Variants in DNAJA3 observed in about 807,000 individuals in gnomAD.
The protein encoded by DNAJA3 is DnaJ heat shock protein family (Hsp40) member A3, also known as dnaJ homolog subfamily A member 3, mitochondrial.
Under a neutral mutation model 54.9 loss-of-function variants are expected in DNAJA3, and 29 were observed. The observed-to-expected ratio is 0.53, with a 90% CI of 0.39 to 0.72. DNAJA3 has a LOEUF of 0.72. Ranked by LOEUF, DNAJA3 falls within the 30% of genes least tolerant of loss-of-function variation. The pLI is 0.00. For synonymous variants in DNAJA3, 302 were observed against 251.4 expected, an observed-to-expected ratio of 1.20 and a Z score of -1.90; for missense variants, 708 against 639.4, an observed-to-expected ratio of 1.11 and a Z score of -1.16.
chr16:4,437,622 T>C, intron 3 of DNAJA3, 137 bp downstream of exon 3: 1 of 645,296 alleles, frequency 1.5e-6, no homozygotes, highest in Non-Finnish European at 2.6e-6. Context: ...GTAATCTTGT[T>C]AAGAAAAATA....
chr16:4,432,290 T>C (rs2056712964), intron 1 of DNAJA3, among the ~76,000 whole-genome samples: 1 of 151,588 alleles, frequency 6.6e-6, no homozygotes, highest in Non-Finnish European at 1.5e-5. Flanking sequence ...CCCAAAGTGC[T>C]GGGATTACAG....
chr16:4,450,121 C>T (rs4786493), intron 9 of DNAJA3: 219,678 of 372,276 alleles, frequency 0.59, 70,902 homozygotes, highest in Non-Finnish European at 0.68. Context: ...TTCACATACA[C>T]ACTGGTAAAA....
intron 9 of DNAJA3, 92 bp downstream of exon 9, chr16:4,448,940 G>T: frequency 1.1e-6 from 1 of 878,822 alleles, no homozygotes. Context: ...ACTGCTCCCT[G>T]TAAGTCAGGT....
At chr16:4,434,595 G>C (rs1221149521) in intron 2 of DNAJA3, 78 bp downstream of exon 2, 1 of 1,530,206 alleles carries the variant, frequency 6.5e-7, no homozygotes, top group Admixed American at 2.0e-5. Context: ...GATCAGTACA[G>C]CGTATGTGCC....
chr16:4,445,578 T>C (rs1318495291), intron 7 of DNAJA3, among the ~76,000 whole-genome samples: 1 of 152,200 alleles, frequency 6.6e-6, no homozygotes, highest in African/African-American at 2.4e-5. Flanking sequence ...TGAGGTGGGG[T>C]ATTGCTTTGT....
intron 10 of DNAJA3, among the ~76,000 whole-genome samples, chr16:4,451,378 G>C (rs1373918055): frequency 6.6e-6 from 1 of 152,112 alleles, no homozygotes; most frequent in Admixed American, 6.6e-5. Context: ...TGGAGCTCCA[G>C]GGGCAGGGGC....
At chr16:4,434,758 A>G (rs1473705169) in intron 2 of DNAJA3, among the ~76,000 whole-genome samples, 1 of 152,162 alleles carries the variant, frequency 6.6e-6, no homozygotes, top group African/African-American at 2.4e-5. Flanking sequence ...TTTTTTTTCT[A>G]GAGCTGTTTT....
At position 4,434,412 on chromosome 16, in the gene DNAJA3, T is replaced by G. The variant is rs765636804; in HGVS notation, c.240T>G (p.Thr80=). The G allele has an allele frequency of 3.7e-6, 6 of 1,613,692 alleles. No individual in the cohort carries two copies. The South Asian group carries it at 5.5e-5, about 15-fold the overall frequency. ...CAAAACATAACCCTTTCATTTGTACTGCCTCCTTCCACACGAGTGCCCCTT... is the reference window on the plus strand; with the variant it reads ...CAAAACATAACCCTTTCATTTGTACGGCCTCCTTCCACACGAGTGCCCCTT... ...TGTKHNPFIC[T]ASFHTSAPLA... Residue 80 remains threonine (T), a synonymous_variant, in exon 2 of 12, where the codon ACT becomes ACG. Coordinates refer to ENST00000262375, the MANE Select transcript of DNAJA3 (RefSeq NM_005147.6).
intron 6 of DNAJA3, 104 bp downstream of exon 6, chr16:4,443,268 G>A: frequency 7.2e-7 from 1 of 1,383,484 alleles, no homozygotes; most frequent in Non-Finnish European, 9.7e-7. Flanking sequence ...CCACTGCACT[G>A]AGTGTGAGTG....
chr16:4,445,451 T>C (rs781159383), intron 7 of DNAJA3, among the ~76,000 whole-genome samples: 6 of 152,242 alleles, frequency 3.9e-5, no homozygotes, highest in South Asian at 2.1e-4. Flanking sequence ...GACACGGAAA[T>C]ACATAGTAAG....
At chr16:4,437,509 G>T (rs372179774) in intron 3 of DNAJA3, 24 bp downstream of exon 3, 1 of 1,593,278 alleles carries the variant, frequency 6.3e-7, no homozygotes, top group Non-Finnish European at 8.6e-7. Flanking sequence ...GGTGCATGCG[G>T]TCACTGCTGT....
At chr16:4,446,169 C>A (rs1271827334) in intron 7 of DNAJA3, among the ~76,000 whole-genome samples, 1 of 151,956 alleles carries the variant, frequency 6.6e-6, no homozygotes, top group East Asian at 1.9e-4. Context: ...GATCCACCCA[C>A]CTTAGCCTTC....
chr16:4,433,404 C>T (rs1434280659), intron 1 of DNAJA3: 2 of 152,206 alleles, frequency 1.3e-5, no homozygotes, highest in Non-Finnish European at 2.9e-5. Context: ...GTCATTGGTT[C>T]TCAGCAGGGG....
chr16:4,428,281 T>G (rs1351538652), intron 1 of DNAJA3, among the ~76,000 whole-genome samples: 1 of 152,142 alleles, frequency 6.6e-6, no homozygotes, highest in Non-Finnish European at 1.5e-5. Flanking sequence ...ACTCTTGCTC[T>G]GTTGCCCAGG....
intron 1 of DNAJA3, chr16:4,431,788 G>C (rs1242704106): frequency 6.6e-6 from 1 of 152,088 alleles, no homozygotes; most frequent in Non-Finnish European, 1.5e-5. Flanking sequence ...ATGTTGGCCA[G>C]CTTGGTCTCG....
At chr16:4,450,218 T>C in intron 9 of DNAJA3, 182 bp from the exon 10 acceptor site, 1 of 546,652 alleles carries the variant, frequency 1.8e-6, no homozygotes, top group Non-Finnish European at 3.3e-6. Flanking sequence ...TAGGAGCTTT[T>C]CTGTACAGAA....
At chr16:4,449,080 T>C (rs1006070163) in intron 9 of DNAJA3, among the ~76,000 whole-genome samples, 1 of 152,176 alleles carries the variant, frequency 6.6e-6, no homozygotes, top group African/African-American at 2.4e-5. Flanking sequence ...CACTGCAACC[T>C]CCGCTTCCCA....
intron 2 of DNAJA3, 34 bp downstream of exon 2, chr16:4,434,551 TGTA>T (rs2056748854): frequency 1.2e-6 from 2 of 1,602,752 alleles, no homozygotes; most frequent in Non-Finnish European, 1.7e-6. Flanking sequence ...GTGACCAAAT[TGTA>T]GTAGGAATGT....
chr16:4,442,926 A>T lies in DNAJA3; in HGVS notation c.784-91A>T, dbSNP rs190738646. ...ACATGCACATAAAAAACAAGCCTTA[A>T]AGAGACATTTTTCTTACGCACATTG... On this transcript the variant is annotated intron_variant, in intron 5 of 11. Transcript: ENST00000262375. The T allele has an allele frequency of 1.3e-3, 1,920 of 1,466,436 alleles. 15 individuals are homozygous for T. Among genetic ancestry groups the T allele is most frequent in the Middle Eastern group, 0.01 (57 of 5,618 alleles). The allele number at this position is 1,466,436 out of a possible 1,614,324, so 90.8% of individuals were successfully genotyped here. A position where few individuals can be genotyped will look rare whatever the true frequency, so the allele number is the denominator to read the frequency against.
Sources: gnomAD v4.1 joint callset for allele counts (sites outside exome capture counted in the v4.1 genomes callset) on GRCh38, gnomAD v4.1.1 for gene constraint, MANE v1.5 for transcripts, NCBI Gene and HGNC (gene_info 2026-07-23, HGNC 2026-07-21) for gene names.